ATP1B4: variants seen among roughly 807,000 people sequenced by gnomAD.
The protein encoded by ATP1B4 is ATPase Na+/K+ transporting family member beta 4, also known as protein ATP1B4.
Under a neutral mutation model 29.6 loss-of-function variants are expected in ATP1B4, and 32 were observed. The ratio of observed to expected loss-of-function variants is 1.08; its 90% CI spans 0.82 to 1.45. The LOEUF (loss-of-function observed/expected upper bound fraction) is 1.45, where lower values mean the gene tolerates loss of function less well. ATP1B4 is among the 40% of genes most tolerant of loss of function. The pLI is 0.00. For synonymous variants in ATP1B4, 127 were observed against 102.1 expected (o/e 1.24, Z -1.47); for missense variants, 323 against 276.2 (o/e 1.17, Z -1.20).
chrX:120,375,738 G>A lies in ATP1B4; in HGVS notation c.759+170G>A, dbSNP rs754655018. Among the ~76,000 whole-genome samples the A allele has an allele frequency of 3.4e-3, 368 of 108,327 alleles. 4 individuals carry two copies. The highest frequency in any genetic ancestry group is 7.9e-3 in the African/African-American group (235 of 29,632). The allele number at this position is 108,327 out of a possible 115,157, so 94.1% of individuals were successfully genotyped here. On this transcript the variant is annotated intron_variant, in intron 5 of 7. Coordinates refer to ENST00000218008, the MANE Select transcript of ATP1B4 (RefSeq NM_001142447.3). ...TAAACCTATCAATTTCTTCCCCCCC[G>A]CCCACCGAGCACTTCCTATGGCCAT...
At position 120,370,827 on chromosome X, in the gene ATP1B4, G is replaced by A. The variant is rs1569354079; in HGVS notation, c.441G>A (p.Glu147=). 3.3e-5 allele frequency: 40 copies of A among 1,208,942 alleles called. No homozygotes were observed. Among genetic ancestry groups the A allele is most frequent in the Non-Finnish European group, 4.4e-5 (39 of 894,884 alleles). The change falls in exon 3 of 8, where the codon GAG becomes GAA. Residue 147 remains glutamate, a synonymous_variant. Coordinates refer to ENST00000218008, the MANE Select transcript of ATP1B4 (RefSeq NM_001142447.3). ...GTCCCTATATACCAACCTTCACGGA[G>A]CGGGTAAAGCCTCCTGGTGAGTGTG... ...TISPYIPTFT[E]RVKPPGVMIR...
At chrX:120,376,490 G>T in intron 6 of ATP1B4, 54 bp downstream of exon 6, 1 of 1,081,544 alleles carries the variant, frequency 9.2e-7, no homozygotes, top group South Asian at 1.9e-5. Flanking sequence ...ATGCAAAAAG[G>T]TAGTCCATCA....
Position 120,375,361 on chromosome X carries a change from A to G in ATP1B4, c.563-11A>G. 8.3e-7 allele frequency: 1 copy of G among 1,202,705 alleles called. No homozygotes were observed. Among genetic ancestry groups the G allele is most frequent in the South Asian group, 1.8e-5 (1 of 55,557 alleles). ...TCTAACATAACCTGTTGCCACTCAC[A>G]CATGCTTTAGGTTATAATGACAGTC... On this transcript the variant is annotated splice_polypyrimidine_tract_variant and intron_variant, in intron 4 of 7. Transcript: ENST00000218008.
Position 120,366,757 on chromosome X carries a change from G to A in ATP1B4, c.296G>A (p.Arg99Lys). The A allele has an allele frequency of 8.3e-7, 1 of 1,211,327 alleles. No homozygotes were observed. Among genetic ancestry groups the A allele is most frequent in the East Asian group, 3.0e-5 (1 of 33,817 alleles). Residue 99 changes from arginine (R) to lysine (K), a missense_variant, in exon 2 of 8, where the codon AGG becomes AAG. Coordinates refer to ENST00000218008, the MANE Select transcript of ATP1B4 (RefSeq NM_001142447.3). ...GAATACCTGTGGGATCCAGAGAGAA[G>A]GATGTTTCTGGCCCGAACAGGTCAG... ...MSEYLWDPERRMFLARTGQSW... is the reference protein window; with the variant it reads ...MSEYLWDPERKMFLARTGQSW...
At chrX:120,377,586 C>T (rs763347772) in intron 6 of ATP1B4, among the ~76,000 whole-genome samples, 1 of 112,279 alleles carries the variant, frequency 8.9e-6, no homozygotes, top group South Asian at 3.7e-4. Flanking sequence ...ATTAACTGGA[C>T]AGAGTTCTAC....
chrX:120,376,624 G>C (rs1380436837), intron 6 of ATP1B4, among the ~76,000 whole-genome samples, 188 bp downstream of exon 6: 6 of 111,859 alleles, frequency 5.4e-5, no homozygotes, highest in Admixed American at 3.8e-4. Context: ...GTGTGTTTGT[G>C]TGTATAGTGT....
chrX:120,370,828 C>T lies in ATP1B4; in HGVS notation c.442C>T (p.Arg148Trp), dbSNP rs747542194. The T allele has an allele frequency of 2.9e-5, 35 of 1,208,309 alleles. No individual in the cohort carries two copies. Among genetic ancestry groups the T allele is most frequent in the South Asian group, 2.3e-4 (13 of 56,381 alleles). Reference sequence around the variant, plus strand: ...TCCCTATATACCAACCTTCACGGAGCGGGTAAAGCCTCCTGGTGAGTGTGC... The same window carrying T: ...TCCCTATATACCAACCTTCACGGAGTGGGTAAAGCCTCCTGGTGAGTGTGC... ...ISPYIPTFTE[R>W]VKPPGVMIRP... The change falls in exon 3 of 8, where the codon CGG becomes TGG. Residue 148 changes from arginine to tryptophan, a missense_variant. Coordinates refer to ENST00000218008, the MANE Select transcript of ATP1B4 (RefSeq NM_001142447.3).
At chrX:120,373,645 G>A (rs921055608) in intron 4 of ATP1B4, among the ~76,000 whole-genome samples, 1 of 112,112 alleles carries the variant, frequency 8.9e-6, no homozygotes, top group Non-Finnish European at 1.9e-5. Context: ...GTAGCCCAAA[G>A]GGTTACCTCA....
intron 5 of ATP1B4, 75 bp from the exon 6 acceptor site, chrX:120,376,305 G>T: frequency 9.9e-7 from 1 of 1,010,271 alleles, no homozygotes; most frequent in Non-Finnish European, 1.4e-6. Context: ...TGGGAGGAAG[G>T]TTAGAAAAGC....
chrX:120,375,895 G>C (rs1331302026), intron 5 of ATP1B4, among the ~76,000 whole-genome samples: 1 of 110,569 alleles, frequency 9.0e-6, no homozygotes, highest in East Asian at 2.8e-4. Context: ...TTGAGCTTAG[G>C]AGTTCAAGTT....
At position 120,375,396 on chromosome X, in the gene ATP1B4, A is replaced by C. The variant is rs2058347777; in HGVS notation, c.587A>C (p.Glu196Ala). 8.3e-7 allele frequency: 1 copy of C among 1,207,780 alleles called. No individual in the cohort carries two copies. Among genetic ancestry groups the C allele is most frequent in the South Asian group, 1.8e-5 (1 of 56,456 alleles). The change falls in exon 5 of 8, where the codon GAA (glutamate) becomes GCA (alanine). Residue 196 changes from glutamate (E) to alanine (A), a missense_variant. Physicochemically the swap from Glu to Ala is moderately radical, Grantham distance 107 (BLOSUM62 -1). Coordinates refer to ENST00000218008, the MANE Select transcript of ATP1B4 (RefSeq NM_001142447.3). The stretch of plus-strand genomic sequence containing the variant: ...GGTTATAATGACAGTCTTCAAGAGG[A>C]AATGAATGTAGATTGTCCCCCGGGG... The part of the protein sequence containing the change: ...LQGYNDSLQE[E>A]MNVDCPPGQY...
chrX:120,372,594 C>T (rs1479017424), intron 4 of ATP1B4, among the ~76,000 whole-genome samples: 3 of 111,906 alleles, frequency 2.7e-5, no homozygotes, highest in Non-Finnish European at 3.8e-5. Context: ...ACAACATGGG[C>T]ATCTCCTGGG....
chrX:120,369,992 G>A (rs1410125768), intron 2 of ATP1B4, among the ~76,000 whole-genome samples: 3 of 111,447 alleles, frequency 2.7e-5, no homozygotes, highest in Non-Finnish European at 5.7e-5. Flanking sequence ...ATAAGAATCC[G>A]AGGTAAGTGC....
At position 120,371,101 on chromosome X, in the gene ATP1B4, G is replaced by A; in HGVS notation, c.458-5G>A. ...AATATATCCAAGACCTGTTTTCATT[G>A]CCAGGAGTTATGATCAGACCCTTCG... On this transcript the variant is annotated splice_polypyrimidine_tract_variant and splice_region_variant and intron_variant, in intron 3 of 7. Transcript: ENST00000218008. 8.3e-7 allele frequency: 1 copy of A among 1,204,294 alleles called. No homozygotes were observed. The highest frequency in any genetic ancestry group is 1.1e-6 in the Non-Finnish European group (1 of 888,851).
intron 4 of ATP1B4, among the ~76,000 whole-genome samples, chrX:120,372,864 A>T (rs1454935117): frequency 8.9e-6 from 1 of 112,074 alleles, no homozygotes; most frequent in Non-Finnish European, 1.9e-5. Flanking sequence ...GTTCTTTCTG[A>T]GTCCATGTAG....
intron 7 of ATP1B4, among the ~76,000 whole-genome samples, chrX:120,379,163 G>A (rs752190491): frequency 8.1e-5 from 9 of 110,918 alleles, no homozygotes; most frequent in African/African-American, 3.0e-4. Context: ...CCCAACACAG[G>A]GACTCGATAG....
chrX:120,374,762 T>TATATTA (rs756799984), intron 4 of ATP1B4, among the ~76,000 whole-genome samples: 1,052 of 23,246 alleles, frequency 0.045, 273 homozygotes, highest in Non-Finnish European at 0.077. Context: ...TATATATATA[T>TATATTA]TATATATATA....
chrX:120,369,532 C>T (rs1455893510), intron 2 of ATP1B4, among the ~76,000 whole-genome samples: 1 of 111,971 alleles, frequency 8.9e-6, no homozygotes, highest in Non-Finnish European at 1.9e-5. Flanking sequence ...TAATTCAGTT[C>T]AAATCTGTAG....
At chrX:120,367,596 G>A (rs1347788287) in intron 2 of ATP1B4, among the ~76,000 whole-genome samples, 1 of 111,164 alleles carries the variant, frequency 9.0e-6, no homozygotes, top group Non-Finnish European at 1.9e-5. Context: ...TCTCTGCACA[G>A]CCCAGAAAAA....
Sources: allele counts gnomAD v4.1 joint callset (sites outside exome capture counted in the v4.1 genomes callset), GRCh38; gene constraint gnomAD v4.1.1; transcripts MANE v1.5; gene names NCBI Gene and HGNC (gene_info 2026-07-23, HGNC 2026-07-21).